The following SHROOM3 variants were observed in gnomAD, a reference collection of about 807,000 sequenced individuals.
SHROOM3 encodes shroom family member 3.
A neutral mutation model predicts 138.6 loss-of-function variants in SHROOM3; 47 were observed. The observed-to-expected ratio is 0.34, with a 90% CI of 0.27 to 0.43. SHROOM3 has a LOEUF of 0.43. Ranked by LOEUF, SHROOM3 falls within the 20% of genes least tolerant of loss-of-function variation. The pLI is 1.00. For missense variants in SHROOM3, 2,491 were observed against 2,596.5 expected (o/e 0.96, Z 0.88); for synonymous variants, 1,062 against 1,063.3 (o/e 1.00, Z 0.02).
rs1408111548 is a variant in SHROOM3 at position 76,608,710 on chromosome 4, G to A, written c.323+52947G>A. Among the ~76,000 whole-genome samples the A allele has an allele frequency of 4.9e-5, 7 of 141,816 alleles. 2 individuals are homozygous for A. Among genetic ancestry groups the A allele is most frequent in the African/African-American group, 2.0e-4 (7 of 35,324 alleles). 93.0% of individuals were successfully genotyped at this position (141,816 alleles called of 152,430 possible). The stretch of plus-strand genomic sequence containing the variant: ...GCACAGCACAGCACAGCACAGCACA[G>A]CACAGCACAGCACAGCACAGCATAG... On this transcript the variant is annotated intron_variant, in intron 2 of 10. Coordinates refer to ENST00000296043, the MANE Select transcript of SHROOM3 (RefSeq NM_020859.4).
intron 2 of SHROOM3, among the ~76,000 whole-genome samples, chr4:76,635,511 AG>A (rs1735469242): frequency 6.6e-6 from 1 of 152,142 alleles, no homozygotes; most frequent in East Asian, 1.9e-4. Flanking sequence ...AGCCTGATGG[AG>A]GGACAGCCAG....
In SHROOM3 at chr4:76,529,385, C is replaced by T. The variant is rs867644854; in HGVS notation, c.169-26224C>T. 9.9e-5 allele frequency among the ~76,000 whole-genome samples: 15 copies of T among 151,888 alleles called. No individual in the cohort carries two copies. The Middle Eastern group carries it at 0.01, about 103-fold the overall frequency. On this transcript the variant is annotated intron_variant, in intron 1 of 10. Coordinates refer to ENST00000296043, the MANE Select transcript of SHROOM3 (RefSeq NM_020859.4). ...AGGCTGGAGTGCAGTGGTGCCATCT[C>T]GGCTCACTGCAAGCTCCACCTCCCG... is the stretch of plus-strand genomic sequence containing the variant.
chr4:76,729,986 A>G (rs1344746232), intron 3 of SHROOM3, among the ~76,000 whole-genome samples: 1 of 152,232 alleles, frequency 6.6e-6, no homozygotes, highest in Admixed American at 6.5e-5. Context: ...TTACAGTTCA[A>G]GAATTTTCAG....
At chr4:76,735,198 A>G (rs563422526) in intron 4 of SHROOM3, among the ~76,000 whole-genome samples, 2 of 152,250 alleles carry the variant, frequency 1.3e-5, no homozygotes, top group East Asian at 3.9e-4. Flanking sequence ...GTGAGTTGGA[A>G]TTGTTGCAGG....
chr4:76,682,449 C>T (rs540335091), intron 2 of SHROOM3, among the ~76,000 whole-genome samples: 1 of 152,322 alleles, frequency 6.6e-6, no homozygotes, highest in South Asian at 2.1e-4. Context: ...GACCACCACA[C>T]TCCACCATCC....
chr4:76,527,122 G>A (rs1732707532), intron 1 of SHROOM3, among the ~76,000 whole-genome samples: 1 of 152,040 alleles, frequency 6.6e-6, no homozygotes, highest in South Asian at 2.1e-4. Context: ...GGGCAGGCAG[G>A]GAAGGAAAAA....
At chr4:76,450,453 A>G (rs1255695646) in intron 1 of SHROOM3, among the ~76,000 whole-genome samples, 1 of 152,194 alleles carries the variant, frequency 6.6e-6, no homozygotes, top group Non-Finnish European at 1.5e-5. Context: ...TCATAGCCTC[A>G]TTGTTCACAA....
At chr4:76,679,518 C>G (rs1211252182) in intron 2 of SHROOM3, among the ~76,000 whole-genome samples, 1 of 152,028 alleles carries the variant, frequency 6.6e-6, no homozygotes, top group South Asian at 2.1e-4. Flanking sequence ...TCCCCCAAGC[C>G]TTTACTTATC....
At chr4:76,497,718 C>T (rs951450639) in intron 1 of SHROOM3, among the ~76,000 whole-genome samples, 30 of 151,996 alleles carry the variant, frequency 2.0e-4, no homozygotes, top group African/African-American at 5.8e-4. Context: ...ATTATCTGGG[C>T]GTGGTGGCAG....
intron 9 of SHROOM3, among the ~76,000 whole-genome samples, chr4:76,769,802 A>AACATAATC (rs1722288791): frequency 6.6e-6 from 1 of 152,240 alleles, no homozygotes; most frequent in African/African-American, 2.4e-5. Context: ...AAGACTAAGT[A>AACATAATC]ACATAATCAG....
At chr4:76,667,308 G>C (rs1019630355) in intron 2 of SHROOM3, among the ~76,000 whole-genome samples, 1 of 152,030 alleles carries the variant, frequency 6.6e-6, no homozygotes, top group South Asian at 2.1e-4. Context: ...TATGTAGGCT[G>C]TTTTTTCTTT....
intron 3 of SHROOM3, among the ~76,000 whole-genome samples, chr4:76,717,352 G>A (rs542182390): frequency 2.1e-4 from 32 of 152,094 alleles, no homozygotes; most frequent in Non-Finnish European, 4.1e-4. Context: ...TCATGTTCTT[G>A]GAGCTTCCTG....
chr4:76,657,990 C>A (rs1412322921), intron 2 of SHROOM3, among the ~76,000 whole-genome samples: 1 of 152,212 alleles, frequency 6.6e-6, no homozygotes, highest in East Asian at 1.9e-4. Context: ...GTTTGGGCTC[C>A]AGCATAAGCC....
intron 10 of SHROOM3, among the ~76,000 whole-genome samples, chr4:76,772,573 C>T (rs1180715013): frequency 3.3e-5 from 5 of 152,176 alleles, no homozygotes; most frequent in South Asian, 2.1e-4. Flanking sequence ...AACTCTGCAG[C>T]GCCACTCTCA....
rs186986951 is a variant in SHROOM3, at chr4:76,438,359, T to G, written c.168+2139T>G. Among the ~76,000 whole-genome samples, 265 of 152,324 alleles carry G rather than the reference T, an allele frequency of 1.7e-3. 1 individual carries two copies. The highest frequency in any genetic ancestry group is 5.9e-3 in the African/African-American group (246 of 41,578). On this transcript the variant is annotated intron_variant, in intron 1 of 10. Transcript: ENST00000296043. ...GAGGGAAAAGAGAAGGCAATCTCCT[T>G]TCTTTCAAGGATCCAATCTGGTCCA...
rs142505732 is a variant in SHROOM3 at position 76,756,597 on chromosome 4, G to T, written c.4858G>T (p.Val1620Phe). 1 of 1,612,416 alleles carries T rather than the reference G, an allele frequency of 6.2e-7. No individual in the cohort carries two copies. The highest frequency in any genetic ancestry group is 8.5e-7 in the Non-Finnish European group (1 of 1,179,770). The change falls in exon 8 of 11, where the codon GTT becomes TTT. Residue 1620 changes from valine to phenylalanine, a missense_variant. Around this residue, in one of 4 missense-constraint regions of SHROOM3, gnomAD observed 470 missense variants for 595.0 expected, o/e 0.79. Transcript: ENST00000296043. ...GTCCACACCACCCTCCTTCATGAGC[G>T]TTCACGCCCAACTTGCTGGGTCTCT... is the stretch of plus-strand genomic sequence containing the variant. ...AESTPPSFMS[V>F]HAQLAGSLGG...
rs942107102 is a variant in SHROOM3 at position 76,779,917 on chromosome 4, C to T, written c.*740C>T. 1.3e-5 allele frequency: 2 copies of T among 152,650 alleles called. No homozygotes were observed. The highest frequency in any genetic ancestry group is 2.9e-5 in the Non-Finnish European group (2 of 68,050). The allele number at this position is 152,650 out of a possible 1,614,324, so 9.5% of individuals were successfully genotyped here. On this transcript the variant is annotated 3_prime_UTR_variant, in exon 11 of 11. Transcript: ENST00000296043. ...CTGCTCCCCTCCTGTCTCACACCTT[C>T]CCCAGGAGGAAGGCCTCATGCACTG...
At chr4:76,651,669 G>A (rs1469336740) in intron 2 of SHROOM3, among the ~76,000 whole-genome samples, 1 of 151,960 alleles carries the variant, frequency 6.6e-6, no homozygotes. Context: ...AAGCCAGCTA[G>A]TGCTGCATTT....
chr4:76,749,114 T>C (rs747657482), intron 6 of SHROOM3, 24 bp downstream of exon 6: 3 of 1,594,616 alleles, frequency 1.9e-6, no homozygotes, highest in South Asian at 2.2e-5. Flanking sequence ...CTTATGATGC[T>C]CTCTGCATAT....
Sources: allele counts gnomAD v4.1 joint callset (sites outside exome capture counted in the v4.1 genomes callset), GRCh38; gene constraint gnomAD v4.1.1; regional missense constraint gnomAD v4.1.1; transcripts MANE v1.5; gene names NCBI Gene and HGNC (gene_info 2026-07-23, HGNC 2026-07-21).